Variants in DAB1 observed in about 807,000 individuals in gnomAD.
DAB1 encodes disabled homolog 1.
DAB1 carries 15 observed loss-of-function variants against 64.6 expected under a neutral mutation model. The observed-to-expected ratio is 0.23, with a 90% CI of 0.16 to 0.36. The LOEUF (loss-of-function observed/expected upper bound fraction) is 0.36, where lower values mean the gene tolerates loss of function less well. Ranked by LOEUF, DAB1 falls within the 10% of genes least tolerant of loss-of-function variation. The pLI, the probability that DAB1 is intolerant of heterozygous loss-of-function variation, is 1.00. For synonymous variants in DAB1, 235 were observed against 251.9 expected (o/e 0.93, Z 0.64); for missense variants, 596 against 706.7 (o/e 0.84, Z 1.78).
chr1:58,049,815 C>T (rs925870484), intron 5 of DAB1, among the ~76,000 whole-genome samples: 3 of 143,026 alleles, frequency 2.1e-5, no homozygotes, highest in Admixed American at 7.0e-5. Context: ...CTGGCATACA[C>T]GCATATGCAC....
chr1:57,771,428 G>T (rs75106871), intron 6 of DAB1, among the ~76,000 whole-genome samples: 1 of 152,024 alleles, frequency 6.6e-6, no homozygotes, highest in Non-Finnish European at 1.5e-5. Flanking sequence ...GCTCTGATTG[G>T]CTATTTGTAG....
In DAB1 at chr1:57,015,324, C is replaced by A; in HGVS notation, c.1003G>T (p.Gly335Trp). 6.2e-7 allele frequency: 1 copy of A among 1,614,032 alleles called. No individual in the cohort carries two copies. Residue 335 changes from glycine (G) to tryptophan (W), a missense_variant, in exon 12 of 15, where the codon GGG becomes TGG. Coordinates refer to ENST00000371236, the MANE Select transcript of DAB1 (RefSeq NM_001365792.1). ...AQPPVAQVMP[G>W]AQPIAWGQPG... ...TGGCCCCATGCGATGGGCTGAGCCC[C>A]CGGCATCACCTGAGCGACTGGTGGC...
intron 7 of DAB1, among the ~76,000 whole-genome samples, chr1:57,627,874 T>A (rs192883727): frequency 4.7e-4 from 71 of 152,314 alleles, no homozygotes; most frequent in Non-Finnish European, 6.3e-4. Flanking sequence ...TGTTCAAGTC[T>A]CAGTGCCTAG....
At chr1:57,145,466 T>C (rs755186769) in intron 2 of DAB1, 37 bp from the exon 3 acceptor site, 13 of 1,610,606 alleles carry the variant, frequency 8.1e-6, no homozygotes, top group Admixed American at 1.7e-5. Flanking sequence ...TATGTAGCTG[T>C]GCAGACCCCA....
At chr1:57,097,330 C>T (rs1413310818) in intron 4 of DAB1, among the ~76,000 whole-genome samples, 2 of 152,164 alleles carry the variant, frequency 1.3e-5, no homozygotes, top group African/African-American at 2.4e-5. Flanking sequence ...TCTGGGCTGG[C>T]AGGGCCACTC....
intron 5 of DAB1, among the ~76,000 whole-genome samples, chr1:57,988,275 A>G (rs1646271662): frequency 6.6e-6 from 1 of 152,164 alleles, no homozygotes; most frequent in Admixed American, 6.5e-5. Flanking sequence ...CAGAGTGGAG[A>G]CACAGGGCAT....
intron 5 of DAB1, among the ~76,000 whole-genome samples, chr1:58,122,556 G>C (rs1490673807): frequency 2.0e-5 from 3 of 151,950 alleles, no homozygotes; most frequent in Non-Finnish European, 4.4e-5. Context: ...TTAGGAGTTA[G>C]CCAAGGGTAA....
chr1:57,135,800 G>C (rs562974153), intron 4 of DAB1, among the ~76,000 whole-genome samples: 6 of 152,284 alleles, frequency 3.9e-5, no homozygotes, highest in African/African-American at 1.4e-4. Flanking sequence ...TGAAGTACAT[G>C]ATAGGTGATA....
chr1:57,110,251 T>A (rs374798401), intron 4 of DAB1, among the ~76,000 whole-genome samples: 1 of 152,084 alleles, frequency 6.6e-6, no homozygotes, highest in African/African-American at 2.4e-5. Context: ...GAGAAGTGAG[T>A]GTTCTAATGG....
intron 7 of DAB1, among the ~76,000 whole-genome samples, chr1:57,539,708 G>A (rs1393831529): frequency 6.6e-6 from 1 of 152,022 alleles, no homozygotes; most frequent in Non-Finnish European, 1.5e-5. Context: ...AATATGATAG[G>A]ATTACAGAAG....
At chr1:57,771,680 T>G (rs182172700) in intron 6 of DAB1, among the ~76,000 whole-genome samples, 1 of 152,236 alleles carries the variant, frequency 6.6e-6, no homozygotes, top group East Asian at 1.9e-4. Context: ...ACCACCACTA[T>G]CAATATATAG....
chr1:57,945,997 C>A (rs957689876), intron 5 of DAB1, among the ~76,000 whole-genome samples: 1 of 152,200 alleles, frequency 6.6e-6, no homozygotes, highest in East Asian at 1.9e-4. Context: ...CTAATCCACA[C>A]AACAGGTCTG....
intron 7 of DAB1, among the ~76,000 whole-genome samples, chr1:57,534,333 G>A (rs183366263): frequency 6.6e-6 from 1 of 152,278 alleles, no homozygotes; most frequent in Admixed American, 6.5e-5. Context: ...AATTTGTGGG[G>A]AAAGTGGATT....
chr1:58,525,991 T>G (rs147211236), intron 2 of DAB1, among the ~76,000 whole-genome samples: 207 of 152,186 alleles, frequency 1.4e-3, no homozygotes, highest in African/African-American at 4.5e-3. Context: ...GTCTATTAGC[T>G]ATCCATAGGG....
chr1:58,356,855 C>T (rs1056851042), intron 3 of DAB1, among the ~76,000 whole-genome samples: 3 of 151,710 alleles, frequency 2.0e-5, no homozygotes, highest in African/African-American at 7.3e-5. Context: ...GAGAACTGGG[C>T]TCTACAAAAA....
At chr1:58,457,873 G>A (rs1346615558) in intron 3 of DAB1, among the ~76,000 whole-genome samples, 1 of 152,190 alleles carries the variant, frequency 6.6e-6, no homozygotes, top group Non-Finnish European at 1.5e-5. Context: ...GAAAGGTGGG[G>A]AGAAAAGGCA....
chr1:57,547,745 A>T (rs1336199549), intron 7 of DAB1, among the ~76,000 whole-genome samples: 1 of 152,240 alleles, frequency 6.6e-6, no homozygotes, highest in Non-Finnish European at 1.5e-5. Flanking sequence ...GGTGAAATCC[A>T]AATAACGTCT....
At chr1:57,676,471 C>A (rs184712314) in intron 6 of DAB1, among the ~76,000 whole-genome samples, 187 of 152,240 alleles carry the variant, frequency 1.2e-3, no homozygotes, top group Non-Finnish European at 2.0e-3. Flanking sequence ...AGGCATGCAG[C>A]AATTCCTGTT....
chr1:57,517,957 G>A (rs1184471776), intron 7 of DAB1, among the ~76,000 whole-genome samples: 1 of 152,106 alleles, frequency 6.6e-6, no homozygotes, highest in Non-Finnish European at 1.5e-5. Flanking sequence ...CTCTCTAGTA[G>A]CACCCAGCCT....
Sources: gnomAD v4.1 joint callset for allele counts (sites outside exome capture counted in the v4.1 genomes callset) on GRCh38, gnomAD v4.1.1 for gene constraint, MANE v1.5 for transcripts, NCBI Gene and HGNC (gene_info 2026-07-23, HGNC 2026-07-21) for gene names.